The following ZMYM4 variants were observed in gnomAD, a reference collection of about 807,000 sequenced individuals.
ZMYM4 encodes the protein zinc finger MYM-type containing 4.
Under a neutral mutation model 183.2 loss-of-function variants are expected in ZMYM4, and 31 were observed. The ratio of observed to expected loss-of-function variants is 0.17; its 90% CI spans 0.13 to 0.23. The LOEUF is 0.23. ZMYM4 is among the 10% of genes least tolerant of loss of function. The pLI, the probability that ZMYM4 is intolerant of heterozygous loss-of-function variation, is 1.00. For missense variants in ZMYM4, 1,273 were observed against 1,840.3 expected, an observed-to-expected ratio of 0.69 and a Z score of 5.64; for synonymous variants, 592 against 631.2, an observed-to-expected ratio of 0.94 and a Z score of 0.93.
chr1:35,360,616 GGACAA>G (rs896410125), intron 3 of ZMYM4, among the ~76,000 whole-genome samples: 1 of 152,062 alleles, frequency 6.6e-6, no homozygotes, highest in Non-Finnish European at 1.5e-5. Flanking sequence ...GTAGTAGAAT[GGACAA>G]GACAAGTCAG....
At chr1:35,354,982 A>G (rs1431954837) in intron 2 of ZMYM4, among the ~76,000 whole-genome samples, 3 of 151,638 alleles carry the variant, frequency 2.0e-5, no homozygotes, top group Non-Finnish European at 2.9e-5. Flanking sequence ...GTCTTGGGCC[A>G]TAGTTTCCTA....
intron 2 of ZMYM4, among the ~76,000 whole-genome samples, chr1:35,328,732 T>C (rs1642612234): frequency 6.6e-6 from 1 of 152,148 alleles, no homozygotes. Flanking sequence ...TTGGAAGGAA[T>C]ACTGGCCTCT....
At chr1:35,404,412 T>G (rs1218553428) in intron 23 of ZMYM4, among the ~76,000 whole-genome samples, 2 of 151,806 alleles carry the variant, frequency 1.3e-5, no homozygotes, top group Non-Finnish European at 2.9e-5. Context: ...TTATAGACTT[T>G]TTAAAAATTT....
In ZMYM4 at chr1:35,390,010, G is replaced by A. The variant is rs1254857317; in HGVS notation, c.2499G>A (p.Gly833=). 11 of 1,613,594 alleles carry A rather than the reference G, an allele frequency of 6.8e-6. No homozygotes were observed. The Admixed American group carries it at 1.8e-4, about 27-fold the overall frequency. The part of the protein sequence containing the change: ...GKLSESLKWR[G]EMKHFCNLLC... Reference sequence around the variant, plus strand: ...TCAGTGAGTCCTTGAAATGGCGAGGGGAAATGAAACATTTCTGTAACCTGC... The same window carrying A: ...TCAGTGAGTCCTTGAAATGGCGAGGAGAAATGAAACATTTCTGTAACCTGC... Residue 833 remains glycine (G), a synonymous_variant, in exon 15 of 30, where the codon GGG becomes GGA. Transcript: ENST00000314607.
chr1:35,359,469 C>A, intron 3 of ZMYM4, 23 bp downstream of exon 3: 1 of 1,519,462 alleles, frequency 6.6e-7, no homozygotes, highest in Non-Finnish European at 8.8e-7. Context: ...GGACTTAGAA[C>A]CATAAAACAC....
chr1:35,276,154 A>T (rs150063211), intron 1 of ZMYM4, among the ~76,000 whole-genome samples: 1,694 of 152,258 alleles, frequency 0.011, 10 homozygotes, highest in Non-Finnish European at 0.019. Flanking sequence ...AATATGTCTT[A>T]CAAATGTATT....
chr1:35,379,516 G>A (rs981210899), intron 7 of ZMYM4, among the ~76,000 whole-genome samples: 4 of 152,214 alleles, frequency 2.6e-5, no homozygotes, highest in Non-Finnish European at 4.4e-5. Flanking sequence ...CATTACAGGC[G>A]TGAGCCGCCA....
chr1:35,376,199 T>C (rs1644330587), intron 7 of ZMYM4, among the ~76,000 whole-genome samples: 1 of 152,210 alleles, frequency 6.6e-6, no homozygotes, highest in African/African-American at 2.4e-5. Context: ...AGATTGTCTG[T>C]ACCATTTCTG....
intron 26 of ZMYM4, among the ~76,000 whole-genome samples, chr1:35,410,421 C>G (rs1570549249): frequency 6.6e-6 from 1 of 151,778 alleles, no homozygotes; most frequent in East Asian, 1.9e-4. Flanking sequence ...TTTCTTTTCA[C>G]TCTCTTGGTG....
intron 18 of ZMYM4, among the ~76,000 whole-genome samples, chr1:35,395,542 C>T (rs1291605770): frequency 6.6e-6 from 1 of 152,148 alleles, no homozygotes; most frequent in East Asian, 1.9e-4. Flanking sequence ...AATGATTTTA[C>T]ACTTATCTAG....
intron 1 of ZMYM4, among the ~76,000 whole-genome samples, chr1:35,311,808 A>T (rs879701330): frequency 1.3e-5 from 2 of 152,146 alleles, no homozygotes; most frequent in Admixed American, 1.3e-4. Context: ...TCAGATATTT[A>T]TTATTTCTGT....
rs575202620 is a variant in ZMYM4 at position 35,374,371 on chromosome 1, A to G, written c.1181+3744A>G. 8.5e-5 allele frequency among the ~76,000 whole-genome samples: 13 copies of G among 152,180 alleles called. 2 individuals are homozygous for G. The highest frequency in any genetic ancestry group is 2.6e-4 in the African/African-American group (11 of 41,534). ...TTGTAAGACTTAAATCAGTTTGAAG[A>G]TTTTAATTTTTATAGTTTTTTTTCT... is the stretch of plus-strand genomic sequence containing the variant. On this transcript the variant is annotated intron_variant, in intron 7 of 29. Transcript: ENST00000314607.
rs868741729 is a variant in ZMYM4, at chr1:35,373,683, G to A, written c.1181+3056G>A. 5.3e-5 allele frequency among the ~76,000 whole-genome samples: 8 copies of A among 150,704 alleles called. No homozygotes were observed. The East Asian group carries it at 1.4e-3, about 26-fold the overall frequency. On this transcript the variant is annotated intron_variant, in intron 7 of 29. Coordinates refer to ENST00000314607, the MANE Select transcript of ZMYM4 (RefSeq NM_005095.3). ...GCTGGGATTACAGGCGTGAGCCACC[G>A]CGCCCGGCCCTGCACGGCTAATTTT...
chr1:35,293,122 TC>T (rs1437807297), intron 1 of ZMYM4, among the ~76,000 whole-genome samples: 1 of 151,560 alleles, frequency 6.6e-6, no homozygotes, highest in East Asian at 1.9e-4. Context: ...CACCTCAGCC[TC>T]CTGAGTAGCT....
intron 26 of ZMYM4, among the ~76,000 whole-genome samples, chr1:35,413,280 A>G (rs775940919): frequency 6.6e-6 from 1 of 151,418 alleles, no homozygotes; most frequent in Admixed American, 6.6e-5. Context: ...ATTGACCTCA[A>G]GTGATCCTCT....
chr1:35,366,624 G>A (rs934011681), intron 5 of ZMYM4, among the ~76,000 whole-genome samples: 2 of 152,070 alleles, frequency 1.3e-5, no homozygotes, highest in Admixed American at 1.3e-4. Context: ...ATTCCCAGCA[G>A]CAACTAAAAA....
intron 1 of ZMYM4, chr1:35,295,803 C>G (rs1371806481): frequency 6.6e-6 from 1 of 152,178 alleles, no homozygotes; most frequent in Non-Finnish European, 1.5e-5. Flanking sequence ...TGTGAATTGA[C>G]TAACTTTGGA....
intron 2 of ZMYM4, among the ~76,000 whole-genome samples, chr1:35,356,316 G>C (rs561730900): frequency 6.6e-6 from 1 of 152,202 alleles, no homozygotes; most frequent in African/African-American, 2.4e-5. Context: ...AGAACTCATT[G>C]TTCTGACTAC....
At chr1:35,398,391 A>C in intron 20 of ZMYM4, 22 bp from the exon 21 acceptor site, 1 of 1,601,804 alleles carries the variant, frequency 6.2e-7, no homozygotes, top group Non-Finnish European at 8.5e-7. Context: ...TAAATTATTT[A>C]TGTGCTTTTC....
Sources: gnomAD v4.1 joint callset for allele counts (sites outside exome capture counted in the v4.1 genomes callset) on GRCh38, gnomAD v4.1.1 for gene constraint, MANE v1.5 for transcripts, NCBI Gene and HGNC (gene_info 2026-07-23, HGNC 2026-07-21) for gene names.